Variants in SGCZ observed in about 807,000 individuals in gnomAD.
SGCZ encodes sarcoglycan zeta.
A neutral mutation model predicts 41.3 loss-of-function variants in SGCZ; 40 were observed. The ratio of observed to expected loss-of-function variants is 0.97; its 90% CI spans 0.75 to 1.26. The LOEUF is 1.26. SGCZ is among the 50% of genes most tolerant of loss of function. SGCZ has a pLI of 0.00. For synonymous variants in SGCZ, 206 were observed against 137.5 expected, an observed-to-expected ratio of 1.50 and a Z score of -3.49; for missense variants, 552 against 369.8, an observed-to-expected ratio of 1.49 and a Z score of -4.04.
chr8:14,439,741 C>G (rs2117363518), intron 2 of SGCZ, among the ~76,000 whole-genome samples: 1 of 151,924 alleles, frequency 6.6e-6, no homozygotes, highest in African/African-American at 2.4e-5. Flanking sequence ...GGTAATAACT[C>G]TTAGGAAACA....
chr8:14,280,890 G>A (rs1258398929), intron 3 of SGCZ, among the ~76,000 whole-genome samples: 2 of 151,550 alleles, frequency 1.3e-5, no homozygotes, highest in Non-Finnish European at 1.5e-5. Context: ...ACAAGAGAGA[G>A]GGAGAAAGTA....
intron 4 of SGCZ, among the ~76,000 whole-genome samples, chr8:14,187,390 A>T (rs546594699): frequency 6.6e-6 from 1 of 152,234 alleles, no homozygotes; most frequent in African/African-American, 2.4e-5. Flanking sequence ...GAATGAGCAA[A>T]TGTCAGACTT....
chr8:14,530,623 G>C (rs11987553), intron 2 of SGCZ, among the ~76,000 whole-genome samples: 83,600 of 151,792 alleles, frequency 0.55, 23,737 homozygotes, highest in African/African-American at 0.71. Context: ...TATTTTAAAA[G>C]TAAAATGAAT....
At chr8:14,993,198 G>A (rs74508444) in intron 1 of SGCZ, among the ~76,000 whole-genome samples, 3,446 of 152,150 alleles carry the variant, frequency 0.023, 151 homozygotes, top group African/African-American at 0.078. Flanking sequence ...TTTAACTCAC[G>A]AAGAGTAACC....
At chr8:14,871,844 G>GTATA (rs1173291698) in intron 1 of SGCZ, among the ~76,000 whole-genome samples, 1 of 150,102 alleles carries the variant, frequency 6.7e-6, no homozygotes, top group Non-Finnish European at 1.5e-5. Context: ...ATATATGTAT[G>GTATA]TATATATATG....
intron 1 of SGCZ, among the ~76,000 whole-genome samples, chr8:15,207,131 T>C (rs529881866): frequency 6.6e-6 from 1 of 152,232 alleles, no homozygotes; most frequent in African/African-American, 2.4e-5. Flanking sequence ...ATCACTGAAA[T>C]ATACAGGGAC....
chr8:14,424,323 A>G (rs997145551), intron 2 of SGCZ, among the ~76,000 whole-genome samples: 2 of 152,172 alleles, frequency 1.3e-5, no homozygotes, highest in African/African-American at 2.4e-5. Context: ...ACAATACTCA[A>G]GTATTATGGA....
At chr8:14,100,616 T>C (rs868595954) in intron 7 of SGCZ, among the ~76,000 whole-genome samples, 3 of 147,990 alleles carry the variant, frequency 2.0e-5, no homozygotes, top group Non-Finnish European at 4.5e-5. Context: ...TATATTAATA[T>C]ATTAATATAT....
intron 2 of SGCZ, among the ~76,000 whole-genome samples, chr8:14,499,042 G>C (rs567714018): frequency 1.3e-5 from 2 of 151,680 alleles, no homozygotes; most frequent in Admixed American, 6.6e-5. Flanking sequence ...GTTCCCACTG[G>C]TTTGATCTTC....
chr8:14,218,160 A>G lies in SGCZ; in HGVS notation c.424+19432T>C, dbSNP rs185214022. 3.9e-3 allele frequency among the ~76,000 whole-genome samples: 596 copies of G among 152,346 alleles called. 4 individuals are homozygous for G. Among genetic ancestry groups the G allele is most frequent in the Non-Finnish European group, 6.9e-3 (470 of 68,032 alleles). On this transcript the variant is annotated intron_variant, in intron 4 of 7. Coordinates refer to ENST00000382080, the MANE Select transcript of SGCZ (RefSeq NM_139167.4). ...CAAAGCATTTAAAATAGTAAGAGAT[A>G]TAAATAAAATTACTTCTTTCAGATG...
chr8:14,264,067 G>T (rs1442694605), intron 3 of SGCZ, among the ~76,000 whole-genome samples: 1 of 152,186 alleles, frequency 6.6e-6, no homozygotes, highest in Non-Finnish European at 1.5e-5. Context: ...ATGGTCTCAT[G>T]TTCCAGCCAG....
intron 1 of SGCZ, among the ~76,000 whole-genome samples, chr8:14,607,416 T>C (rs372899020): frequency 3.3e-5 from 5 of 152,344 alleles, no homozygotes; most frequent in African/African-American, 1.2e-4. Context: ...TGCCCTATAC[T>C]ATTAATCCAA....
At chr8:15,181,146 A>T (rs911864178) in intron 1 of SGCZ, among the ~76,000 whole-genome samples, 1 of 152,208 alleles carries the variant, frequency 6.6e-6, no homozygotes, top group African/African-American at 2.4e-5. Flanking sequence ...GTTTTATTTC[A>T]ATACAAAATG....
rs1258910730 is a variant in SGCZ, at chr8:15,238,307, C to T, written c.-684G>A. Reference sequence around the variant, plus strand: ...AGAGTTGAGGGAATAGGAGGTGGATCCAACGGAGAGAAAAAGAGGGAGAGA... The same window carrying T: ...AGAGTTGAGGGAATAGGAGGTGGATTCAACGGAGAGAAAAAGAGGGAGAGA... On this transcript the variant is annotated 5_prime_UTR_variant, in exon 1 of 8. Transcript: ENST00000382080. 1 of 152,112 alleles carries T rather than the reference C, an allele frequency of 6.6e-6. No homozygotes were observed. The highest frequency in any genetic ancestry group is 1.5e-5 in the Non-Finnish European group (1 of 68,050). The allele number at this position is 152,112 out of a possible 1,614,324, so 9.4% of individuals were successfully genotyped here.
At chr8:15,200,647 T>C (rs1035257000) in intron 1 of SGCZ, among the ~76,000 whole-genome samples, 2 of 152,200 alleles carry the variant, frequency 1.3e-5, no homozygotes, top group African/African-American at 4.8e-5. Context: ...ATCCTTTCTA[T>C]AACATTAGTG....
intron 1 of SGCZ, among the ~76,000 whole-genome samples, chr8:15,170,793 A>G (rs992888740): frequency 6.6e-6 from 1 of 152,262 alleles, no homozygotes; most frequent in African/African-American, 2.4e-5. Context: ...ATAGGAATAA[A>G]AAACATCAAC....
rs67046431 is a variant in SGCZ at position 14,407,065 on chromosome 8, CTTTTTTTT to C, written c.235-82869_235-82862del. On this transcript the variant is annotated intron_variant, in intron 2 of 7. Transcript: ENST00000382080. ...CAAATTCTATAAGTTATGAGTTTTCCTTTTTTTTTTTTTTTTTTTTTTGAGATGGAGAC... is the reference window on the plus strand; with the variant it reads ...CAAATTCTATAAGTTATGAGTTTTCCTTTTTTTTTTTTTTGAGATGGAGAC... Among the ~76,000 whole-genome samples, 862 of 87,210 alleles carry C rather than the reference CTTTTTTTT, an allele frequency of 9.9e-3. 11 individuals are homozygous for C. The highest frequency in any genetic ancestry group is 0.032 in the African/African-American group (778 of 24,340). The allele number at this position is 87,210 out of a possible 152,430, so 57.2% of individuals were successfully genotyped here.
intron 1 of SGCZ, among the ~76,000 whole-genome samples, chr8:14,586,834 T>C (rs1414092981): frequency 6.6e-6 from 1 of 152,096 alleles, no homozygotes; most frequent in South Asian, 2.1e-4. Context: ...CTTAGCCAAT[T>C]TCCTCAAATG....
At chr8:14,749,406 T>C (rs974028334) in intron 1 of SGCZ, among the ~76,000 whole-genome samples, 1 of 152,168 alleles carries the variant, frequency 6.6e-6, no homozygotes, top group Non-Finnish European at 1.5e-5. Flanking sequence ...AACATTCCAC[T>C]GATGTGTGTG....
Sources: gnomAD v4.1 joint callset for allele counts (sites outside exome capture counted in the v4.1 genomes callset) on GRCh38, gnomAD v4.1.1 for gene constraint, MANE v1.5 for transcripts, NCBI Gene and HGNC (gene_info 2026-07-23, HGNC 2026-07-21) for gene names.